The following ELOVL5 variants were observed in gnomAD, a reference collection of about 807,000 sequenced individuals.
ELOVL5 encodes the protein ELOVL fatty acid elongase 5.
A neutral mutation model predicts 38.6 loss-of-function variants in ELOVL5; 8 were observed. The observed-to-expected ratio is 0.21, with a 90% confidence interval of 0.12 to 0.37. ELOVL5 has a LOEUF of 0.37. ELOVL5 is among the 10% of genes least tolerant of loss of function. ELOVL5 has a pLI of 1.00. For missense variants in ELOVL5, 280 were observed against 367.8 expected, an observed-to-expected ratio of 0.76 and a Z score of 1.95; for synonymous variants, 127 against 133.7, an observed-to-expected ratio of 0.95 and a Z score of 0.34.
intron 1 of ELOVL5, among the ~76,000 whole-genome samples, chr6:53,306,226 G>A (rs1411415348): frequency 3.6e-5 from 1 of 27,526 alleles, no homozygotes. Flanking sequence ...AGGGGAGAGG[G>A]GAGAGGGGAG....
intron 1 of ELOVL5, among the ~76,000 whole-genome samples, chr6:53,308,925 A>G (rs1327084621): frequency 6.6e-6 from 1 of 151,644 alleles, no homozygotes; most frequent in Admixed American, 6.6e-5. Context: ...TTTTTCAAAC[A>G]TCTCTCAAGC....
intron 3 of ELOVL5, among the ~76,000 whole-genome samples, chr6:53,286,710 A>G (rs1245262289): frequency 6.6e-6 from 1 of 152,240 alleles, no homozygotes; most frequent in Non-Finnish European, 1.5e-5. Flanking sequence ...CATAATTATA[A>G]TTAATGAATT....
chr6:53,327,244 G>A (rs1209607836), intron 1 of ELOVL5, among the ~76,000 whole-genome samples: 2 of 152,050 alleles, frequency 1.3e-5, no homozygotes, highest in African/African-American at 4.8e-5. Context: ...TACTCCTGAT[G>A]CCCAACCTAC....
intron 3 of ELOVL5, among the ~76,000 whole-genome samples, chr6:53,290,813 C>G (rs1374874375): frequency 6.6e-6 from 1 of 152,126 alleles, no homozygotes; most frequent in African/African-American, 2.4e-5. Context: ...ATTTTGACCC[C>G]TGAACACTAA....
At chr6:53,310,441 C>T (rs903741139) in intron 1 of ELOVL5, among the ~76,000 whole-genome samples, 3 of 139,178 alleles carry the variant, frequency 2.2e-5, no homozygotes, top group Admixed American at 1.4e-4. Flanking sequence ...GGGGATTTTC[C>T]GGGATGTAAG....
chr6:53,319,290 A>G (rs1768195793), intron 1 of ELOVL5, among the ~76,000 whole-genome samples: 10 of 33,690 alleles, frequency 3.0e-4, no homozygotes, highest in African/African-American at 6.4e-4. Flanking sequence ...AAAAAAAAAA[A>G]AAAAAAAAAA....
At chr6:53,329,323 G>A (rs563168329) in intron 1 of ELOVL5, among the ~76,000 whole-genome samples, 1 of 151,994 alleles carries the variant, frequency 6.6e-6, no homozygotes, top group African/African-American at 2.4e-5. Flanking sequence ...CATACAGTAG[G>A]TTAGTTATTT....
intron 1 of ELOVL5, among the ~76,000 whole-genome samples, chr6:53,297,938 T>C (rs6916368): frequency 0.36 from 55,227 of 152,050 alleles, 11,153 homozygotes; most frequent in African/African-American, 0.55. Flanking sequence ...GTAAAGAGAA[T>C]TCCTCTTTAA....
At chr6:53,280,284 C>A (rs1766301249) in intron 3 of ELOVL5, among the ~76,000 whole-genome samples, 1 of 152,198 alleles carries the variant, frequency 6.6e-6, no homozygotes, top group Non-Finnish European at 1.5e-5. Flanking sequence ...CTAACCACTA[C>A]CTAACGAAAT....
At chr6:53,329,181 AACTACTACT>A (rs898773205) in intron 1 of ELOVL5, among the ~76,000 whole-genome samples, 2 of 135,838 alleles carry the variant, frequency 1.5e-5, no homozygotes, top group African/African-American at 6.3e-5. Context: ...AAGTATAACT[AACTACTACT>A]ACTACTACTG....
At chr6:53,299,934 A>G (rs1433190345) in intron 1 of ELOVL5, among the ~76,000 whole-genome samples, 2 of 152,212 alleles carry the variant, frequency 1.3e-5, no homozygotes, top group African/African-American at 4.8e-5. Context: ...AACATTCTCT[A>G]AAAGAACAGA....
intron 6 of ELOVL5, among the ~76,000 whole-genome samples, chr6:53,271,223 C>G (rs1277180310): frequency 6.6e-6 from 1 of 152,180 alleles, no homozygotes; most frequent in Non-Finnish European, 1.5e-5. Context: ...CGCATGTGAA[C>G]TGGTTAGAGA....
At chr6:53,297,177 C>G (rs1767038543) in intron 1 of ELOVL5, among the ~76,000 whole-genome samples, 1 of 152,184 alleles carries the variant, frequency 6.6e-6, no homozygotes, top group Non-Finnish European at 1.5e-5. Flanking sequence ...AAGGCACCAG[C>G]TCCCCATACC....
chr6:53,308,189 T>C, intron 1 of ELOVL5, among the ~76,000 whole-genome samples: 1 of 152,162 alleles, frequency 6.6e-6, no homozygotes, highest in East Asian at 1.9e-4. Flanking sequence ...AAGACCTAGA[T>C]GGGAAGTAAA....
At chr6:53,269,333 T>A (rs1421303754) in intron 7 of ELOVL5, 63 bp from the exon 8 acceptor site, 1 of 1,374,728 alleles carries the variant, frequency 7.3e-7, no homozygotes, top group Non-Finnish European at 9.8e-7. Flanking sequence ...GGAACTTTAC[T>A]GAGAATTGCA....
intron 2 of ELOVL5, chr6:53,293,966 C>T: frequency 5.9e-6 from 3 of 507,362 alleles, no homozygotes; most frequent in Non-Finnish European, 8.4e-6. Context: ...ACCTTTTGTT[C>T]TCAGCTTTGG....
chr6:53,299,779 T>C (rs1767171317), intron 1 of ELOVL5, among the ~76,000 whole-genome samples: 1 of 152,212 alleles, frequency 6.6e-6, no homozygotes, highest in East Asian at 1.9e-4. Flanking sequence ...ATGTGTTCTC[T>C]ACAAAAGCAC....
intron 1 of ELOVL5, among the ~76,000 whole-genome samples, chr6:53,323,480 G>C (rs1370414127): frequency 2.0e-5 from 3 of 151,094 alleles, no homozygotes; most frequent in Non-Finnish European, 4.4e-5. Flanking sequence ...AGCAAATACA[G>C]TGATAACATG....
intron 3 of ELOVL5, chr6:53,287,877 C>T: frequency 6.5e-7 from 1 of 1,535,648 alleles, no homozygotes. Flanking sequence ...TTTCTGGCAG[C>T]TGCTGCTGAG....
Sources: gnomAD v4.1 joint callset for allele counts (sites outside exome capture counted in the v4.1 genomes callset) on GRCh38, gnomAD v4.1.1 for gene constraint, MANE v1.5 for transcripts, NCBI Gene and HGNC (gene_info 2026-07-23, HGNC 2026-07-21) for gene names.